MLLT3: variants seen among roughly 807,000 people sequenced by gnomAD.
MLLT3 encodes MLLT3 super elongation complex subunit.
In MLLT3, 4 loss-of-function variants were observed where a neutral mutation model predicts 53.2. The observed-to-expected ratio is 0.08, with a 90% CI of 0.04 to 0.17. The LOEUF is 0.17. Among genes scored for constraint, MLLT3 ranks in the 10% least tolerant of loss-of-function variants. MLLT3 has a pLI of 1.00. For missense variants in MLLT3, 569 were observed against 684.0 expected, an observed-to-expected ratio of 0.83 and a Z score of 1.87; for synonymous variants, 283 against 230.6, an observed-to-expected ratio of 1.23 and a Z score of -2.06.
At chr9:20,360,937 T>C (rs1434873571) in intron 7 of MLLT3, 96 bp from the exon 8 acceptor site, 2 of 1,047,134 alleles carry the variant, frequency 1.9e-6, no homozygotes, top group South Asian at 1.3e-5. Flanking sequence ...ATCCAAACAC[T>C]AACCCTTGAC....
intron 5 of MLLT3, among the ~76,000 whole-genome samples, chr9:20,391,959 A>G (rs1822194093): frequency 6.6e-6 from 1 of 152,220 alleles, no homozygotes; most frequent in Admixed American, 6.5e-5. Context: ...ACAGAAAACA[A>G]CTAAAGAAAA....
intron 4 of MLLT3, among the ~76,000 whole-genome samples, chr9:20,446,337 C>T (rs1028656601): frequency 6.6e-6 from 1 of 152,114 alleles, no homozygotes; most frequent in African/African-American, 2.4e-5. Flanking sequence ...AGTTAGAAGT[C>T]AAGAAGAATC....
At chr9:20,444,653 A>G (rs1317673045) in intron 4 of MLLT3, among the ~76,000 whole-genome samples, 1 of 152,042 alleles carries the variant, frequency 6.6e-6, no homozygotes, top group African/African-American at 2.4e-5. Context: ...GGGGCTGATC[A>G]TTTCAGCTCA....
At chr9:20,545,647 T>C (rs1818767205) in intron 2 of MLLT3, among the ~76,000 whole-genome samples, 1 of 152,122 alleles carries the variant, frequency 6.6e-6, no homozygotes, top group African/African-American at 2.4e-5. Flanking sequence ...CAACCTTGTA[T>C]TTTAGTCATA....
chr9:20,546,714 C>A (rs1411208839), intron 2 of MLLT3, among the ~76,000 whole-genome samples: 1 of 152,238 alleles, frequency 6.6e-6, no homozygotes, highest in Admixed American at 6.5e-5. Context: ...CCCGGAGATC[C>A]ATTCCTTAAC....
In MLLT3 at chr9:20,591,269, G is replaced by A. The variant is rs1349804816; in HGVS notation, c.193+29385C>T. On this transcript the variant is annotated intron_variant, in intron 2 of 10. Coordinates refer to ENST00000380338, the MANE Select transcript of MLLT3 (RefSeq NM_004529.4). ...AAGTTCCTGCCACTACTGTACAGCA[G>A]AGGTGCTGCAATTTGGGCACTGGGG... Among the ~76,000 whole-genome samples, 8 of 152,294 alleles carry A rather than the reference G, an allele frequency of 5.3e-5. No homozygotes were observed. In the East Asian group the frequency reaches 1.5e-3, roughly 29 times the overall value.
At chr9:20,558,475 CT>C (rs1819119523) in intron 2 of MLLT3, among the ~76,000 whole-genome samples, 1 of 152,142 alleles carries the variant, frequency 6.6e-6, no homozygotes, top group African/African-American at 2.4e-5. Context: ...TGCAATATAA[CT>C]TTTTCATTGC....
intron 2 of MLLT3, among the ~76,000 whole-genome samples, chr9:20,501,973 G>C (rs1179844074): frequency 6.6e-6 from 1 of 150,726 alleles, no homozygotes; most frequent in Non-Finnish European, 1.5e-5. Context: ...CCCAGCTACT[G>C]GGGAGGCTAA....
rs190911498 is a variant in MLLT3, at chr9:20,398,875, A to G, written c.1125+14846T>C. Among the ~76,000 whole-genome samples the G allele has an allele frequency of 8.5e-5, 13 of 152,068 alleles. No individual in the cohort carries two copies. The East Asian group carries it at 2.3e-3, about 27-fold the overall frequency. On this transcript the variant is annotated intron_variant, in intron 5 of 10. Transcript: ENST00000380338. ...CCCTGTGTTATTTTTGTGGTTTAAT[A>G]CCCTTCACGGTGAAATCAGCTAAAA...
intron 2 of MLLT3, among the ~76,000 whole-genome samples, chr9:20,505,176 T>C (rs1825353372): frequency 6.6e-6 from 1 of 152,170 alleles, no homozygotes. Context: ...GTGAGATGCA[T>C]GTGTCAAAGT....
intron 3 of MLLT3, 114 bp downstream of exon 3, chr9:20,456,590 T>C: frequency 1.3e-6 from 1 of 752,880 alleles, no homozygotes; most frequent in Non-Finnish European, 2.2e-6. Flanking sequence ...CAAATTTAAC[T>C]TTTATTTTAA....
At chr9:20,502,437 T>G (rs755902706) in intron 2 of MLLT3, 12 of 152,522 alleles carry the variant, frequency 7.9e-5, no homozygotes, top group Non-Finnish European at 1.2e-4. Context: ...GTGAAAAAAC[T>G]TGCAGACAAC....
At chr9:20,365,624 G>C (rs1193559557) in intron 6 of MLLT3, 45 bp downstream of exon 6, 1 of 1,609,720 alleles carries the variant, frequency 6.2e-7, no homozygotes, top group Non-Finnish European at 8.5e-7. Flanking sequence ...CCATTAAGGT[G>C]TTTTATGAGA....
chr9:20,347,745 A>T (rs1820912873), intron 10 of MLLT3, among the ~76,000 whole-genome samples: 1 of 152,152 alleles, frequency 6.6e-6, no homozygotes, highest in African/African-American at 2.4e-5. Flanking sequence ...ACAAACTTCT[A>T]CCTGATTTGA....
chr9:20,423,243 T>A (rs1823059956), intron 4 of MLLT3, among the ~76,000 whole-genome samples: 1 of 152,134 alleles, frequency 6.6e-6, no homozygotes, highest in Non-Finnish European at 1.5e-5. Flanking sequence ...GTAAAGTCAG[T>A]GGGTTTCAAA....
rs1393653947 is a variant in MLLT3 at position 20,448,921 on chromosome 9, G to C, written c.277-655C>G. Among the ~76,000 whole-genome samples the C allele has an allele frequency of 6.6e-6, 1 of 152,046 alleles. No individual in the cohort carries two copies. Among genetic ancestry groups the C allele is most frequent in the Non-Finnish European group, 1.5e-5 (1 of 68,000 alleles). On this transcript the variant is annotated intron_variant, in intron 3 of 10. Transcript: ENST00000380338. This position sits in a 1 kb window ranked among gnomAD's most constrained non-coding sequence, Gnocchi z 4.0. The stretch of plus-strand genomic sequence containing the variant: ...CCCCTTCTGTCCATCTGATGGCCTA[G>C]CAACATCCCATTACTGGTTGCTTCC...
At chr9:20,590,784 T>C (rs1208683637) in intron 2 of MLLT3, among the ~76,000 whole-genome samples, 2 of 152,188 alleles carry the variant, frequency 1.3e-5, no homozygotes, top group African/African-American at 4.8e-5. Context: ...TATCCAGGCT[T>C]GAGTGCAGTG....
chr9:20,577,357 A>C (rs1461621386), intron 2 of MLLT3, among the ~76,000 whole-genome samples: 1 of 152,170 alleles, frequency 6.6e-6, no homozygotes, highest in African/African-American at 2.4e-5. Flanking sequence ...ACACAACATA[A>C]TAAAGTTTGA....
At chr9:20,561,982 G>A (rs1010597110) in intron 2 of MLLT3, among the ~76,000 whole-genome samples, 8 of 151,976 alleles carry the variant, frequency 5.3e-5, no homozygotes. Context: ...CAGAAGTAAG[G>A]ACATCACCAA....
Sources: gnomAD v4.1 joint callset for allele counts (sites outside exome capture counted in the v4.1 genomes callset) on GRCh38, gnomAD v4.1.1 for gene constraint, Gnocchi (gnomAD v3.1) non-coding constraint, MANE v1.5 for transcripts, NCBI Gene and HGNC (gene_info 2026-07-23, HGNC 2026-07-21) for gene names.